The following BCAS1 variants were observed in gnomAD, a reference collection of about 807,000 sequenced individuals.
BCAS1 encodes breast carcinoma-amplified sequence 1.
In BCAS1, 46 loss-of-function variants were observed where a neutral mutation model predicts 65.4. The observed-to-expected ratio is 0.70, with a 90% CI of 0.55 to 0.90. The LOEUF is 0.90. Ranked by LOEUF, BCAS1 falls within the 40% of genes least tolerant of loss-of-function variation. The pLI is 0.00. For missense variants in BCAS1, 793 were observed against 771.2 expected, an observed-to-expected ratio of 1.03 and a Z score of -0.33; for synonymous variants, 298 against 293.5, an observed-to-expected ratio of 1.02 and a Z score of -0.16.
At chr20:54,060,965 C>T (rs575692376) in intron 1 of BCAS1, among the ~76,000 whole-genome samples, 21 of 152,242 alleles carry the variant, frequency 1.4e-4, no homozygotes, top group Non-Finnish European at 4.4e-5. Flanking sequence ...CACATCATCA[C>T]CAAACCTCTG....
At chr20:54,017,109 G>T (rs1226865285) in intron 4 of BCAS1, among the ~76,000 whole-genome samples, 1 of 152,112 alleles carries the variant, frequency 6.6e-6, no homozygotes, top group African/African-American at 2.4e-5. Context: ...GTTCACATAG[G>T]GGGAGGGGGG....
chr20:54,039,560 A>G (rs1213908946), intron 3 of BCAS1, among the ~76,000 whole-genome samples: 1 of 151,394 alleles, frequency 6.6e-6, no homozygotes, highest in South Asian at 2.1e-4. Flanking sequence ...CTCTTTAATC[A>G]TATATTTCCT....
intron 1 of BCAS1, among the ~76,000 whole-genome samples, chr20:54,069,487 G>A (rs144594401): frequency 4.7e-4 from 72 of 152,254 alleles, no homozygotes; most frequent in African/African-American, 1.6e-3. Context: ...CAAGGTGAGA[G>A]TCTCACTGGC....
chr20:54,023,621 C>G (rs2146055485), intron 4 of BCAS1, among the ~76,000 whole-genome samples: 1 of 152,240 alleles, frequency 6.6e-6, no homozygotes, highest in Non-Finnish European at 1.5e-5. Context: ...TACCAGGAGA[C>G]AGATGGCGTT....
intron 12 of BCAS1, among the ~76,000 whole-genome samples, chr20:53,946,703 ATAGTT>A (rs1913517531): frequency 6.7e-6 from 1 of 150,208 alleles, no homozygotes; most frequent in South Asian, 2.1e-4. Context: ...ATAGCACAGT[ATAGTT>A]TAGTCCACTG....
intron 4 of BCAS1, among the ~76,000 whole-genome samples, chr20:54,021,219 C>T (rs1459115117): frequency 2.6e-5 from 4 of 151,982 alleles, no homozygotes; most frequent in Non-Finnish European, 5.9e-5. Flanking sequence ...TTTTAGGAAA[C>T]TCCTTTCTTA....
chr20:53,951,858 A>T (rs1339519967), intron 12 of BCAS1, among the ~76,000 whole-genome samples: 1 of 152,256 alleles, frequency 6.6e-6, no homozygotes, highest in South Asian at 2.1e-4. Flanking sequence ...TACACCCAGA[A>T]AGAAGAAGCT....
At chr20:53,948,586 C>T (rs553926704) in intron 12 of BCAS1, among the ~76,000 whole-genome samples, 1 of 152,156 alleles carries the variant, frequency 6.6e-6, no homozygotes, top group Non-Finnish European at 1.5e-5. Context: ...CATACACATG[C>T]CCTTCTGGCC....
chr20:54,000,908 A>AT (rs921308055), intron 4 of BCAS1, among the ~76,000 whole-genome samples: 15 of 151,920 alleles, frequency 9.9e-5, no homozygotes, highest in Non-Finnish European at 1.6e-4. Flanking sequence ...AATCCTTTTT[A>AT]TTTTTTTGCC....
intron 8 of BCAS1, among the ~76,000 whole-genome samples, chr20:53,983,660 C>T (rs1194518916): frequency 6.6e-6 from 1 of 152,200 alleles, no homozygotes; most frequent in African/African-American, 2.4e-5. Context: ...GGGCTCCTAC[C>T]AATGACTGGG....
At chr20:54,068,770 A>C (rs753171685) in intron 1 of BCAS1, among the ~76,000 whole-genome samples, 1 of 152,168 alleles carries the variant, frequency 6.6e-6, no homozygotes, top group African/African-American at 2.4e-5. Flanking sequence ...GAACTGCTTC[A>C]GGGCAGGGCA....
At chr20:53,998,776 ATAT>A (rs201621516) in intron 4 of BCAS1, among the ~76,000 whole-genome samples, 2 of 151,582 alleles carry the variant, frequency 1.3e-5, no homozygotes, top group Admixed American at 6.6e-5. Flanking sequence ...TAATCTTAAT[ATAT>A]TATTATTTAT....
intron 4 of BCAS1, among the ~76,000 whole-genome samples, chr20:54,023,350 T>C (rs1247766240): frequency 6.6e-6 from 1 of 152,236 alleles, no homozygotes; most frequent in East Asian, 1.9e-4. Flanking sequence ...TCAGGAGTGA[T>C]ATGCTTTCTC....
intron 12 of BCAS1, among the ~76,000 whole-genome samples, chr20:53,946,714 C>T (rs1239932701): frequency 1.3e-5 from 2 of 148,264 alleles, no homozygotes. Context: ...TAGTTTAGTC[C>T]ACTGTATAGT....
chr20:53,962,997 C>A lies in BCAS1; in HGVS notation c.1485+3909G>T, dbSNP rs375732564. Among the ~76,000 whole-genome samples, 6 of 152,016 alleles carry A rather than the reference C, an allele frequency of 3.9e-5. No individual in the cohort carries two copies. The East Asian group carries it at 1.2e-3, about 30-fold the overall frequency. Reference sequence around the variant, plus strand: ...TCCTGAGTAGCTGGGACTACAGGCGCCCGCCACCATGCCCGGCTAGTTTTT... The same window carrying A: ...TCCTGAGTAGCTGGGACTACAGGCGACCGCCACCATGCCCGGCTAGTTTTT... On this transcript the variant is annotated intron_variant, in intron 10 of 12. Coordinates refer to ENST00000688948, the MANE Select transcript of BCAS1 (RefSeq NM_001366298.2).
rs189671118 is a variant in BCAS1 at position 54,038,504 on chromosome 20, C to G, written c.143-9532G>C. Among the ~76,000 whole-genome samples, 182 of 151,370 alleles carry G rather than the reference C, an allele frequency of 1.2e-3. 2 individuals carry two copies. Among genetic ancestry groups the G allele is most frequent in the African/African-American group, 4.2e-3 (173 of 41,448 alleles). The stretch of plus-strand genomic sequence containing the variant: ...AGCAGCAAGCACAGAGCTTGGGGCA[C>G]AGCCTAGCAAACACTCCACAAAGGA... On this transcript the variant is annotated intron_variant, in intron 3 of 12. Transcript: ENST00000688948.
chr20:54,060,944 A>C (rs1424866755), intron 1 of BCAS1, among the ~76,000 whole-genome samples: 1 of 152,244 alleles, frequency 6.6e-6, no homozygotes, highest in Non-Finnish European at 1.5e-5. Context: ...GCACAGACCT[A>C]GGTACATGAC....
chr20:54,068,104 G>A (rs3787550), intron 1 of BCAS1, among the ~76,000 whole-genome samples: 54,650 of 152,152 alleles, frequency 0.36, 10,666 homozygotes, highest in Middle Eastern at 0.51. Flanking sequence ...GGGACACAGG[G>A]AACTGAAATC....
intron 12 of BCAS1, among the ~76,000 whole-genome samples, chr20:53,951,836 T>G (rs1462269828): frequency 2.0e-5 from 3 of 152,244 alleles, no homozygotes; most frequent in African/African-American, 7.2e-5. Context: ...ATGATTAGTT[T>G]GAAGACTGCA....
Sources: allele counts gnomAD v4.1 joint callset (sites outside exome capture counted in the v4.1 genomes callset), GRCh38; gene constraint gnomAD v4.1.1; transcripts MANE v1.5; gene names NCBI Gene and HGNC (gene_info 2026-07-23, HGNC 2026-07-21).